The following SLC39A11 variants were observed in gnomAD, a reference collection of about 807,000 sequenced individuals.
SLC39A11 encodes solute carrier family 39 member 11, also known as zinc transporter ZIP11.
SLC39A11 carries 33 observed loss-of-function variants against 36.1 expected under a neutral mutation model. The ratio of observed to expected loss-of-function variants is 0.91; its 90% CI spans 0.69 to 1.22. The LOEUF (loss-of-function observed/expected upper bound fraction) is 1.22. SLC39A11 is among the 50% of genes most tolerant of loss of function. SLC39A11 has a pLI of 0.00. For synonymous variants in SLC39A11, 166 were observed against 170.3 expected (o/e 0.97, Z 0.20); for missense variants, 432 against 430.3 (o/e 1.00, Z -0.03).
chr17:73,008,897 A>G (rs2090342479), intron 4 of SLC39A11, among the ~76,000 whole-genome samples: 1 of 151,930 alleles, frequency 6.6e-6, no homozygotes, highest in African/African-American at 2.4e-5. Flanking sequence ...CTACAAAAAA[A>G]AATAAATAAA....
intron 4 of SLC39A11, among the ~76,000 whole-genome samples, chr17:72,983,744 C>G (rs2088503121): frequency 6.6e-6 from 1 of 152,216 alleles, no homozygotes. Context: ...GCAATTTTCT[C>G]TTTCAAATCA....
chr17:72,666,213 G>A (rs1188674244), intron 7 of SLC39A11, among the ~76,000 whole-genome samples: 1 of 152,212 alleles, frequency 6.6e-6, no homozygotes, highest in Admixed American at 6.5e-5. Flanking sequence ...TAGATTCCAG[G>A]GGTTGCAGAG....
intron 3 of SLC39A11, among the ~76,000 whole-genome samples, chr17:73,037,014 GTTTT>G (rs144618904): frequency 0.95 from 145,268 of 152,156 alleles, 69,718 homozygotes; most frequent in East Asian, 1. Context: ...CTTTCACTTG[GTTTT>G]TAATGCATTT....
At chr17:73,002,810 C>G (rs560877148) in intron 4 of SLC39A11, among the ~76,000 whole-genome samples, 1 of 152,198 alleles carries the variant, frequency 6.6e-6, no homozygotes, top group Non-Finnish European at 1.5e-5. Flanking sequence ...GGGCCATGCT[C>G]CCTCTGGAGG....
chr17:72,921,502 A>G (rs2083668140), intron 5 of SLC39A11, among the ~76,000 whole-genome samples: 1 of 152,242 alleles, frequency 6.6e-6, no homozygotes, highest in Non-Finnish European at 1.5e-5. Context: ...AAGAATAATT[A>G]TAGTATGAAG....
At chr17:72,802,784 G>A (rs2077134295) in intron 6 of SLC39A11, among the ~76,000 whole-genome samples, 1 of 152,044 alleles carries the variant, frequency 6.6e-6, no homozygotes, top group Non-Finnish European at 1.5e-5. Context: ...CTTTGTAGGT[G>A]CCCTCGAGGA....
chr17:72,922,863 G>A (rs985373734), intron 5 of SLC39A11, among the ~76,000 whole-genome samples: 2 of 150,600 alleles, frequency 1.3e-5, no homozygotes, highest in African/African-American at 4.9e-5. Context: ...CGCTACTCGG[G>A]AGGCTGAGGC....
intron 7 of SLC39A11, among the ~76,000 whole-genome samples, chr17:72,729,316 A>G (rs570980502): frequency 5.8e-4 from 84 of 143,682 alleles, no homozygotes; most frequent in African/African-American, 2.0e-3. Context: ...GGCTTACTGC[A>G]GCCTCAACCT....
intron 7 of SLC39A11, chr17:72,663,990 A>G (rs565226543): frequency 6.5e-6 from 1 of 155,002 alleles, no homozygotes; most frequent in Non-Finnish European, 1.5e-5. Context: ...GTCCTCCTCT[A>G]TTGGGGATGG....
chr17:72,900,634 T>C (rs2082346398), intron 5 of SLC39A11, among the ~76,000 whole-genome samples: 1 of 139,946 alleles, frequency 7.1e-6, no homozygotes, highest in African/African-American at 2.6e-5. Context: ...AGGGAAAGAG[T>C]GGGGGCAAAG....
intron 4 of SLC39A11, among the ~76,000 whole-genome samples, chr17:72,963,296 G>A (rs7503737): frequency 6.8e-6 from 1 of 147,974 alleles, no homozygotes; most frequent in Non-Finnish European, 1.5e-5. Flanking sequence ...TCAGCCTCCA[G>A]AGTAGCTGGG....
intron 7 of SLC39A11, among the ~76,000 whole-genome samples, chr17:72,685,379 C>T (rs1489327718): frequency 6.6e-6 from 1 of 152,244 alleles, no homozygotes; most frequent in Admixed American, 6.5e-5. Context: ...GGGGGAGGGG[C>T]GGTTGAGGGC....
chr17:72,840,679 C>G (rs973669571), intron 6 of SLC39A11, among the ~76,000 whole-genome samples: 1 of 151,248 alleles, frequency 6.6e-6, no homozygotes, highest in Non-Finnish European at 1.5e-5. Context: ...GAAGCTTGAA[C>G]CTAGGAGGCG....
At chr17:73,082,562 A>G (rs2060579606) in intron 3 of SLC39A11, among the ~76,000 whole-genome samples, 1 of 152,128 alleles carries the variant, frequency 6.6e-6, no homozygotes, top group Admixed American at 6.6e-5. Flanking sequence ...GGAAAAAAAG[A>G]GATGTTGTGT....
chr17:72,957,359 G>GT (rs2086304339), intron 4 of SLC39A11, among the ~76,000 whole-genome samples: 2 of 152,164 alleles, frequency 1.3e-5, no homozygotes. Flanking sequence ...AATGTTGTGT[G>GT]TAATATGAGG....
intron 7 of SLC39A11, among the ~76,000 whole-genome samples, chr17:72,691,436 T>C (rs1015202041): frequency 6.6e-6 from 1 of 152,174 alleles, no homozygotes; most frequent in Non-Finnish European, 1.5e-5. Context: ...TGATAACTAA[T>C]GGTCCTTCCA....
intron 6 of SLC39A11, among the ~76,000 whole-genome samples, chr17:72,785,592 C>T (rs2144965432): frequency 6.6e-6 from 1 of 152,184 alleles, no homozygotes. Context: ...CAGATGCCCT[C>T]AAAGCTTTCA....
intron 7 of SLC39A11, among the ~76,000 whole-genome samples, chr17:72,653,270 AT>A (rs554605842): frequency 1.8e-4 from 25 of 142,474 alleles, no homozygotes; most frequent in African/African-American, 3.1e-4. Flanking sequence ...ACACCCCCCT[AT>A]TTTTTTTTTG....
intron 6 of SLC39A11, among the ~76,000 whole-genome samples, chr17:72,778,207 T>C (rs899424253): frequency 7.9e-5 from 12 of 152,080 alleles, no homozygotes; most frequent in African/African-American, 2.9e-4. Flanking sequence ...GCCTGGCCCA[T>C]TGTCTCATTT....
Sources: allele counts gnomAD v4.1 joint callset (sites outside exome capture counted in the v4.1 genomes callset), GRCh38; gene constraint gnomAD v4.1.1; transcripts MANE v1.5; gene names NCBI Gene and HGNC (gene_info 2026-07-23, HGNC 2026-07-21).